Variants in SIPA1L1 observed in about 807,000 individuals in gnomAD.
SIPA1L1 encodes signal induced proliferation associated 1 like 1.
SIPA1L1 carries 26 observed loss-of-function variants against 162.7 expected under a neutral mutation model. The ratio of observed to expected loss-of-function variants is 0.16; its 90% confidence interval spans 0.12 to 0.22. SIPA1L1 has a LOEUF of 0.22. SIPA1L1 is among the 10% of genes least tolerant of loss of function. SIPA1L1 has a pLI of 1.00. For synonymous variants in SIPA1L1, 829 were observed against 837.4 expected (o/e 0.99, Z 0.17); for missense variants, 1,874 against 2,241.0 (o/e 0.84, Z 3.31).
At chr14:71,403,357 T>C (rs1319693421) in intron 2 of SIPA1L1, among the ~76,000 whole-genome samples, 1 of 152,104 alleles carries the variant, frequency 6.6e-6, no homozygotes, top group Non-Finnish European at 1.5e-5. Context: ...CCCAGCACTT[T>C]GGGAGGCCAA....
intron 2 of SIPA1L1, among the ~76,000 whole-genome samples, chr14:71,480,326 TG>T (rs2048247499): frequency 2.0e-5 from 3 of 151,450 alleles, no homozygotes; most frequent in African/African-American, 7.3e-5. Flanking sequence ...TCACCTCAGT[TG>T]ATCTGCCCAC....
At chr14:71,484,691 G>A (rs1387228978) in intron 2 of SIPA1L1, among the ~76,000 whole-genome samples, 1 of 152,284 alleles carries the variant, frequency 6.6e-6, no homozygotes, top group Admixed American at 6.5e-5. Context: ...TGATGTTTAT[G>A]TAACAACTTA....
intron 5 of SIPA1L1, among the ~76,000 whole-genome samples, chr14:71,589,827 A>G (rs758032528): frequency 2.0e-5 from 3 of 151,848 alleles, no homozygotes; most frequent in Non-Finnish European, 4.4e-5. Flanking sequence ...AGTAGGTGGT[A>G]ATTATAATAT....
At chr14:71,672,735 C>A in intron 12 of SIPA1L1, 113 bp downstream of exon 12, 1 of 1,129,318 alleles carries the variant, frequency 8.9e-7, no homozygotes, top group Non-Finnish European at 1.2e-6. Flanking sequence ...CAATAGGTTA[C>A]ATGTGATGCT....
chr14:71,326,418 A>G (rs2033812213), intron 2 of SIPA1L1, among the ~76,000 whole-genome samples: 1 of 152,094 alleles, frequency 6.6e-6, no homozygotes, highest in African/African-American at 2.4e-5. Context: ...CATGTTGGCC[A>G]GGCTGGTCTC....
intron 19 of SIPA1L1, among the ~76,000 whole-genome samples, chr14:71,727,685 G>A (rs1388960893): frequency 1.3e-5 from 2 of 152,188 alleles, no homozygotes; most frequent in South Asian, 2.1e-4. Flanking sequence ...ACTCCACTGC[G>A]ATTCTTTCCC....
At chr14:71,323,270 A>G (rs545626407) in intron 2 of SIPA1L1, among the ~76,000 whole-genome samples, 17 of 152,310 alleles carry the variant, frequency 1.1e-4, no homozygotes, top group African/African-American at 3.6e-4. Flanking sequence ...TGTGATGTAT[A>G]TATGTTCTAT....
intron 4 of SIPA1L1, among the ~76,000 whole-genome samples, chr14:71,532,790 T>C (rs1404509600): frequency 6.6e-6 from 1 of 152,240 alleles, no homozygotes; most frequent in African/African-American, 2.4e-5. Context: ...ATATTTGACA[T>C]TTGTAAGCAG....
intron 8 of SIPA1L1, among the ~76,000 whole-genome samples, chr14:71,652,571 A>G (rs750681994): frequency 2.2e-4 from 33 of 150,784 alleles, no homozygotes; most frequent in Non-Finnish European, 4.4e-4. Flanking sequence ...TGAGACTCCA[A>G]TTACACATAT....
chr14:71,419,480 CTTTTTTTTTTTTTTTT>C (rs779874892), intron 2 of SIPA1L1, among the ~76,000 whole-genome samples: 5 of 85,248 alleles, frequency 5.9e-5, no homozygotes, highest in Non-Finnish European at 9.2e-5. Flanking sequence ...GAGGATCTCT[CTTTTTTTTTTTTTTTT>C]TTTTTTTTTT....
intron 2 of SIPA1L1, among the ~76,000 whole-genome samples, chr14:71,447,098 T>C: frequency 6.6e-6 from 1 of 150,666 alleles, no homozygotes; most frequent in Admixed American, 6.6e-5. Flanking sequence ...TTTTTTTTGG[T>C]AGAGATAGGG....
At chr14:71,644,308 A>G (rs2041976122) in intron 7 of SIPA1L1, among the ~76,000 whole-genome samples, 1 of 152,162 alleles carries the variant, frequency 6.6e-6, no homozygotes, top group Admixed American at 6.5e-5. Flanking sequence ...TCATGTAATC[A>G]TGGCTCACTA....
chr14:71,676,521 A>G (rs1002691204), intron 12 of SIPA1L1, among the ~76,000 whole-genome samples: 1 of 150,688 alleles, frequency 6.6e-6, no homozygotes, highest in Non-Finnish European at 1.5e-5. Context: ...ACATGTGTGC[A>G]ACGTGCAGGT....
At chr14:71,375,401 C>G (rs2039282836) in intron 2 of SIPA1L1, among the ~76,000 whole-genome samples, 1 of 152,136 alleles carries the variant, frequency 6.6e-6, no homozygotes, top group South Asian at 2.1e-4. Context: ...TTGTCTGCTA[C>G]TAATATGTAA....
At chr14:71,398,803 G>A (rs1026654801) in intron 2 of SIPA1L1, among the ~76,000 whole-genome samples, 19 of 152,118 alleles carry the variant, frequency 1.2e-4, no homozygotes, top group African/African-American at 4.6e-4. Context: ...TACACTTTGT[G>A]TCCTTGCTGC....
intron 5 of SIPA1L1, among the ~76,000 whole-genome samples, chr14:71,610,690 T>G (rs2038107825): frequency 6.6e-6 from 1 of 152,214 alleles, no homozygotes; most frequent in African/African-American, 2.4e-5. Context: ...GTCCTTTTGT[T>G]TTAAATAGGG....
At chr14:71,593,910 A>G (rs1029326439) in intron 5 of SIPA1L1, among the ~76,000 whole-genome samples, 5 of 152,190 alleles carry the variant, frequency 3.3e-5, no homozygotes, top group Non-Finnish European at 7.4e-5. Flanking sequence ...CCTCTACTGC[A>G]CACTGCCCAG....
At chr14:71,464,861 T>G (rs1175214636) in intron 2 of SIPA1L1, among the ~76,000 whole-genome samples, 1 of 152,188 alleles carries the variant, frequency 6.6e-6, no homozygotes, top group Non-Finnish European at 1.5e-5. Context: ...GGTCACACTC[T>G]CAACCTCACT....
At chr14:71,411,777 G>A (rs563903755) in intron 2 of SIPA1L1, among the ~76,000 whole-genome samples, 23 of 152,154 alleles carry the variant, frequency 1.5e-4, no homozygotes, top group Non-Finnish European at 2.2e-4. Context: ...TTGCTGCTTC[G>A]AGTTACTGTA....
Sources: gnomAD v4.1 joint callset for allele counts (sites outside exome capture counted in the v4.1 genomes callset) on GRCh38, gnomAD v4.1.1 for gene constraint, MANE v1.5 for transcripts, NCBI Gene and HGNC (gene_info 2026-07-23, HGNC 2026-07-21) for gene names.